Variants in FAT3 observed in about 807,000 individuals in gnomAD.
The protein encoded by FAT3 is FAT atypical cadherin 3, also known as protocadherin Fat 3.
FAT3 carries 95 observed loss-of-function variants against 310.2 expected under a neutral mutation model. The ratio of observed to expected loss-of-function variants is 0.31; its 90% CI spans 0.26 to 0.36. The LOEUF (loss-of-function observed/expected upper bound fraction) is 0.36. FAT3 is among the 10% of genes least tolerant of loss of function. The probability of loss-of-function intolerance (pLI) is 1.00; values close to 1 mark genes in which losing one functional copy is unlikely to be tolerated. For synonymous variants in FAT3, 2,314 were observed against 2,192.9 expected (o/e 1.06, Z -1.54); for missense variants, 5,408 against 5,715.6 (o/e 0.95, Z 1.74).
chr11:92,810,910 C>G (rs950033487), intron 13 of FAT3, among the ~76,000 whole-genome samples: 6 of 152,122 alleles, frequency 3.9e-5, no homozygotes, highest in Non-Finnish European at 8.8e-5. Context: ...CTATGCTAAA[C>G]AGACCTTTAT....
intron 1 of FAT3, among the ~76,000 whole-genome samples, chr11:92,244,136 G>A (rs184074434): frequency 3.5e-4 from 53 of 152,166 alleles, no homozygotes; most frequent in African/African-American, 1.0e-3. Flanking sequence ...CCGTGCAGCT[G>A]TTAAATAACA....
intron 3 of FAT3, among the ~76,000 whole-genome samples, chr11:92,556,745 G>A (rs116650858): frequency 0.012 from 1,802 of 152,166 alleles, 39 homozygotes; most frequent in African/African-American, 0.04. Context: ...CTCTTTTTAG[G>A]CTGCCAAGCC....
At chr11:92,566,216 A>C (rs1395460827) in intron 3 of FAT3, among the ~76,000 whole-genome samples, 1 of 152,190 alleles carries the variant, frequency 6.6e-6, no homozygotes, top group Non-Finnish European at 1.5e-5. Flanking sequence ...ATGTACAAAA[A>C]TCACAAGCAT....
chr11:92,462,024 C>T (rs1951650443), intron 2 of FAT3, among the ~76,000 whole-genome samples: 1 of 152,150 alleles, frequency 6.6e-6, no homozygotes, highest in Non-Finnish European at 1.5e-5. Context: ...GGATCAGAAT[C>T]TCGTACTCTG....
At chr11:92,517,682 A>C (rs1451690303) in intron 2 of FAT3, among the ~76,000 whole-genome samples, 1 of 152,248 alleles carries the variant, frequency 6.6e-6, no homozygotes, top group Non-Finnish European at 1.5e-5. Context: ...CAGAGTGAAC[A>C]GGCAACCTAT....
intron 13 of FAT3, among the ~76,000 whole-genome samples, chr11:92,812,028 C>T (rs1182815149): frequency 6.6e-6 from 1 of 152,148 alleles, no homozygotes; most frequent in Admixed American, 6.5e-5. Context: ...CAGGAGATTC[C>T]AGTTGCAGCA....
At chr11:92,698,633 C>T (rs1209377236) in intron 4 of FAT3, among the ~76,000 whole-genome samples, 1 of 151,850 alleles carries the variant, frequency 6.6e-6, no homozygotes, top group Non-Finnish European at 1.5e-5. Context: ...CTATGATAAT[C>T]CTTTTAAAAC....
chr11:92,369,599 GGGCAGATCATGAGGTCAAGGCA>G (rs1421585725), intron 2 of FAT3, among the ~76,000 whole-genome samples: 3 of 152,012 alleles, frequency 2.0e-5, no homozygotes, highest in Non-Finnish European at 4.4e-5. Context: ...AGGTCAAGGC[GGGCAGATCATGAGGTCAAGGCA>G]GGCAGATCAT....
Position 92,867,222 on chromosome 11 carries a change from A to C in FAT3, c.12127+13A>C, listed in dbSNP as rs2136353403. 6.5e-7 allele frequency: 1 copy of C among 1,549,124 alleles called. No homozygotes were observed. Among genetic ancestry groups the C allele is most frequent in the Non-Finnish European group, 8.7e-7 (1 of 1,152,628 alleles). ...CTGCCATCGGGGGGTGAGTGTGGCT[A>C]CGCAGTGGGCACTGGCCTGGGGGTT... On this transcript the variant is annotated intron_variant, in intron 22 of 27. Transcript: ENST00000525166.
At chr11:92,809,093 T>C (rs1159790991) in intron 12 of FAT3, among the ~76,000 whole-genome samples, 1 of 152,204 alleles carries the variant, frequency 6.6e-6, no homozygotes, top group African/African-American at 2.4e-5. Flanking sequence ...CTTATGAAAC[T>C]TAAACAACAA....
At chr11:92,793,686 T>C (rs1947093270) in intron 9 of FAT3, among the ~76,000 whole-genome samples, 1 of 152,198 alleles carries the variant, frequency 6.6e-6, no homozygotes, top group Non-Finnish European at 1.5e-5. Context: ...AAATATCCTT[T>C]ATCTGCTCTA....
chr11:92,233,399 G>A (rs893772133), intron 1 of FAT3, among the ~76,000 whole-genome samples: 4 of 152,112 alleles, frequency 2.6e-5, no homozygotes, highest in South Asian at 2.1e-4. Flanking sequence ...ATCGTTGGTC[G>A]TTTTGGTGGC....
At chr11:92,561,949 A>G (rs1318665882) in intron 3 of FAT3, among the ~76,000 whole-genome samples, 1 of 152,186 alleles carries the variant, frequency 6.6e-6, no homozygotes, top group Non-Finnish European at 1.5e-5. Flanking sequence ...ATTTTAAACA[A>G]TAAATAAGAA....
At chr11:92,485,719 T>C (rs943255373) in intron 2 of FAT3, among the ~76,000 whole-genome samples, 2 of 152,152 alleles carry the variant, frequency 1.3e-5, no homozygotes, top group Non-Finnish European at 1.5e-5. Context: ...ATGGGAATTA[T>C]ATCAGCTGCT....
intron 4 of FAT3, among the ~76,000 whole-genome samples, chr11:92,702,084 C>T (rs1280472702): frequency 1.3e-5 from 2 of 152,178 alleles, no homozygotes; most frequent in Non-Finnish European, 2.9e-5. Flanking sequence ...GATCCCCTTT[C>T]TCTCATCTGT....
chr11:92,508,236 G>C (rs2135299410), intron 2 of FAT3, among the ~76,000 whole-genome samples: 1 of 152,168 alleles, frequency 6.6e-6, no homozygotes, highest in Non-Finnish European at 1.5e-5. Flanking sequence ...TGTGTCATAT[G>C]TGCAGTTATC....
intron 2 of FAT3, among the ~76,000 whole-genome samples, chr11:92,428,191 G>A (rs1244365102): frequency 2.0e-5 from 3 of 151,524 alleles, no homozygotes; most frequent in Non-Finnish European, 4.4e-5. Context: ...TCGGATGGTA[G>A]TTTGTATTTC....
Position 92,764,914 on chromosome 11 carries a change from C to G in FAT3, c.4020C>G (p.Ser1340=). 6.2e-7 allele frequency: 1 copy of G among 1,613,832 alleles called. No individual in the cohort carries two copies. Among genetic ancestry groups the G allele is most frequent in the Non-Finnish European group, 8.5e-7 (1 of 1,179,816 alleles). The part of the protein sequence containing the change: ...KAVDNGRPQK[S]STARLHIEWI... ...TGGACAATGGGCGCCCACAGAAATC[C>G]TCCACGGCCCGCCTCCACATTGAAT... The change falls in exon 6 of 28, where the codon TCC becomes TCG. Residue 1340 remains serine (S), a synonymous_variant. Transcript: ENST00000525166.
intron 3 of FAT3, among the ~76,000 whole-genome samples, chr11:92,695,411 A>G (rs1943909566): frequency 6.6e-6 from 1 of 152,094 alleles, no homozygotes; most frequent in Non-Finnish European, 1.5e-5. Context: ...TCTTGGTGGC[A>G]GTCTTTCCTC....
Sources: allele counts gnomAD v4.1 joint callset (sites outside exome capture counted in the v4.1 genomes callset), GRCh38; gene constraint gnomAD v4.1.1; transcripts MANE v1.5; gene names NCBI Gene and HGNC (gene_info 2026-07-23, HGNC 2026-07-21).